The following STT3B variants were observed in gnomAD, a reference collection of about 807,000 sequenced individuals.
The protein encoded by STT3B is STT3 oligosaccharyltransferase complex catalytic subunit B.
In STT3B, 29 loss-of-function variants were observed where a neutral mutation model predicts 96.8. The ratio of observed to expected loss-of-function variants is 0.30; its 90% CI spans 0.22 to 0.41. The LOEUF is 0.41. Ranked by LOEUF, STT3B falls within the 10% of genes least tolerant of loss-of-function variation. The probability of loss-of-function intolerance (pLI) is 1.00; values close to 1 mark genes in which losing one functional copy is unlikely to be tolerated. For synonymous variants in STT3B, 367 were observed against 360.0 expected, an observed-to-expected ratio of 1.02 and a Z score of -0.22; for missense variants, 640 against 1,022.3, an observed-to-expected ratio of 0.63 and a Z score of 5.10.
intron 10 of STT3B, 126 bp downstream of exon 10, chr3:31,622,434 G>A: frequency 8.6e-6 from 7 of 816,862 alleles, no homozygotes; most frequent in Non-Finnish European, 1.3e-5. Context: ...GACTTTTCTA[G>A]TTGGTCTCCA....
intron 3 of STT3B, among the ~76,000 whole-genome samples, chr3:31,584,845 AAG>A (rs1202068505): frequency 2.0e-5 from 3 of 152,124 alleles, no homozygotes; most frequent in African/African-American, 7.2e-5. Flanking sequence ...GTTTTCTCTT[AAG>A]ATACAGAAAA....
intron 1 of STT3B, among the ~76,000 whole-genome samples, chr3:31,566,314 A>G (rs1698004744): frequency 6.6e-6 from 1 of 152,192 alleles, no homozygotes; most frequent in Admixed American, 6.5e-5. Flanking sequence ...AGCTACCTTG[A>G]TCAAATCCCA....
intron 5 of STT3B, among the ~76,000 whole-genome samples, chr3:31,611,066 A>T (rs1699169556): frequency 6.6e-6 from 1 of 152,208 alleles, no homozygotes; most frequent in African/African-American, 2.4e-5. Context: ...ATAGATGGGT[A>T]TAGTAGTTTA....
intron 6 of STT3B, among the ~76,000 whole-genome samples, chr3:31,616,614 C>A (rs887193745): frequency 6.6e-6 from 1 of 151,530 alleles, no homozygotes; most frequent in African/African-American, 2.4e-5. Flanking sequence ...CCCAGAAAAC[C>A]CCCCTAAAAT....
At chr3:31,544,181 T>G (rs1261791832) in intron 1 of STT3B, among the ~76,000 whole-genome samples, 1 of 152,222 alleles carries the variant, frequency 6.6e-6, no homozygotes, top group African/African-American at 2.4e-5. Flanking sequence ...TTGATTTAAC[T>G]TTATGATTAT....
At chr3:31,554,207 T>G (rs1392614853) in intron 1 of STT3B, among the ~76,000 whole-genome samples, 1 of 152,188 alleles carries the variant, frequency 6.6e-6, no homozygotes, top group African/African-American at 2.4e-5. Context: ...GTGGTTTATT[T>G]TATTCTCCTT....
At chr3:31,596,665 T>G (rs749461998) in intron 3 of STT3B, 133 bp from the exon 4 acceptor site, 10 of 649,510 alleles carry the variant, frequency 1.5e-5, no homozygotes, top group Non-Finnish European at 2.4e-5. Context: ...TGTCTGCATA[T>G]CTGAATAACC....
At chr3:31,634,230 A>C (rs1055260459) in intron 15 of STT3B, among the ~76,000 whole-genome samples, 1 of 152,326 alleles carries the variant, frequency 6.6e-6, no homozygotes, top group African/African-American at 2.4e-5. Context: ...TGTCACAGGC[A>C]TGAGGTAGGA....
At chr3:31,630,134 A>G (rs1301733702) in intron 14 of STT3B, among the ~76,000 whole-genome samples, 2 of 152,204 alleles carry the variant, frequency 1.3e-5, no homozygotes, top group Non-Finnish European at 2.9e-5. Flanking sequence ...TGTCACCCCA[A>G]AATATGCCTC....
Position 31,594,398 on chromosome 3 carries a change from G to C in STT3B, c.712-2400G>C, listed in dbSNP as rs535630588. ...GTCTGGGCCTCTAGAACTTCTGATA[G>C]CCCAGCTTAAATTAGGGATTCCCAT... On this transcript the variant is annotated intron_variant, in intron 3 of 15. Transcript: ENST00000295770. Among the ~76,000 whole-genome samples, 3 of 151,496 alleles carry C rather than the reference G, an allele frequency of 2.0e-5. No individual in the cohort carries two copies. In the South Asian group the frequency reaches 6.2e-4, roughly 32 times the overall value.
In STT3B at chr3:31,635,941, G is replaced by T. The variant is rs554206227; in HGVS notation, c.2401-43G>T. 2.0e-5 allele frequency: 29 copies of T among 1,458,952 alleles called. No homozygotes were observed. The East Asian group carries it at 3.0e-4, about 15-fold the overall frequency. The allele number at this position is 1,458,952 out of a possible 1,614,324, so 90.4% of individuals were successfully genotyped here. On this transcript the variant is annotated intron_variant, in intron 15 of 15. Transcript: ENST00000295770. ...TGTGTGTTTATAGATTTTTTAATCA[G>T]TAAGAAACCTGCATTAATACTATGT... is the stretch of plus-strand genomic sequence containing the variant.
chr3:31,566,639 ACCCCC>A (rs1698014483), intron 1 of STT3B, among the ~76,000 whole-genome samples: 1 of 151,980 alleles, frequency 6.6e-6, no homozygotes, highest in Non-Finnish European at 1.5e-5. Context: ...ATTGCTGGTT[ACCCCC>A]ATCCTTAAAG....
intron 1 of STT3B, among the ~76,000 whole-genome samples, chr3:31,567,007 A>G (rs1020906831): frequency 1.6e-4 from 25 of 152,186 alleles, no homozygotes; most frequent in Non-Finnish European, 1.8e-4. Context: ...ACATTTTTCT[A>G]ATATCTTGTC....
intron 4 of STT3B, among the ~76,000 whole-genome samples, chr3:31,599,512 A>AC (rs1162357820): frequency 3.3e-5 from 5 of 152,208 alleles, no homozygotes; most frequent in Non-Finnish European, 5.9e-5. Flanking sequence ...GCAGTTCTCC[A>AC]CAAGGGGTTC....
chr3:31,618,234 G>A (rs975209793), intron 8 of STT3B, among the ~76,000 whole-genome samples: 3 of 151,794 alleles, frequency 2.0e-5, no homozygotes, highest in Non-Finnish European at 4.4e-5. Context: ...TTTCCGTTTT[G>A]TTTGTAAGAA....
At chr3:31,609,639 G>T (rs1175290012) in intron 5 of STT3B, among the ~76,000 whole-genome samples, 1 of 152,034 alleles carries the variant, frequency 6.6e-6, no homozygotes, top group Non-Finnish European at 1.5e-5. Flanking sequence ...CTGTCACTCA[G>T]GCTGGAGTGC....
At chr3:31,586,287 T>G (rs912034627) in intron 3 of STT3B, among the ~76,000 whole-genome samples, 4 of 149,794 alleles carry the variant, frequency 2.7e-5, no homozygotes, top group South Asian at 4.3e-4. Context: ...ATTAAGTTGT[T>G]TTCTTACTCT....
At chr3:31,626,387 C>T (rs905776542) in intron 13 of STT3B, among the ~76,000 whole-genome samples, 1 of 152,182 alleles carries the variant, frequency 6.6e-6, no homozygotes, top group South Asian at 2.1e-4. Flanking sequence ...CTCTTCACAG[C>T]CTCTCATGTC....
At chr3:31,570,071 C>T (rs1575418833) in intron 1 of STT3B, among the ~76,000 whole-genome samples, 2 of 152,084 alleles carry the variant, frequency 1.3e-5, no homozygotes, top group Middle Eastern at 3.4e-3. Context: ...GTTTATGATT[C>T]ATCTATAACA....
Sources: gnomAD v4.1 joint callset for allele counts (sites outside exome capture counted in the v4.1 genomes callset) on GRCh38, gnomAD v4.1.1 for gene constraint, MANE v1.5 for transcripts, NCBI Gene and HGNC (gene_info 2026-07-23, HGNC 2026-07-21) for gene names.